CNTN5: variants seen among roughly 807,000 people sequenced by gnomAD.
CNTN5 encodes the protein contactin 5, also known as contactin-5.
In CNTN5, 77 loss-of-function variants were observed where a neutral mutation model predicts 129.1. That is an observed-to-expected ratio of 0.60 (90% CI 0.50 to 0.72). The LOEUF (loss-of-function observed/expected upper bound fraction) is 0.72. CNTN5 is among the 30% of genes least tolerant of loss of function. The pLI is 0.00. For missense variants in CNTN5, 1,478 were observed against 1,328.8 expected, an observed-to-expected ratio of 1.11 and a Z score of -1.75; for synonymous variants, 509 against 465.6, an observed-to-expected ratio of 1.09 and a Z score of -1.20.
At chr11:99,592,628 T>G (rs925558132) in intron 3 of CNTN5, among the ~76,000 whole-genome samples, 24 of 151,048 alleles carry the variant, frequency 1.6e-4, no homozygotes, top group African/African-American at 5.6e-4. Context: ...GTTCAAAAAA[T>G]TAGACAAAAA....
chr11:99,164,001 A>C (rs1300475689), intron 1 of CNTN5, among the ~76,000 whole-genome samples: 4 of 152,234 alleles, frequency 2.6e-5, no homozygotes, highest in Non-Finnish European at 4.4e-5. Context: ...TTATCTGATT[A>C]ATATGATTGA....
At chr11:100,013,429 G>A (rs1023966222) in intron 9 of CNTN5, among the ~76,000 whole-genome samples, 5 of 152,088 alleles carry the variant, frequency 3.3e-5, no homozygotes, top group African/African-American at 1.2e-4. Flanking sequence ...ACATAATCTT[G>A]ACACTTGAAT....
At chr11:100,169,682 A>G (rs772148783) in intron 13 of CNTN5, among the ~76,000 whole-genome samples, 3 of 151,996 alleles carry the variant, frequency 2.0e-5, no homozygotes, top group Non-Finnish European at 2.9e-5. Context: ...CATTTTTGTG[A>G]CTTGCTTTAT....
intron 3 of CNTN5, among the ~76,000 whole-genome samples, chr11:99,728,213 A>C (rs1943417510): frequency 6.6e-6 from 1 of 152,132 alleles, no homozygotes; most frequent in Admixed American, 6.5e-5. Context: ...TGAGAGAGAG[A>C]GAGGGAAAGA....
At chr11:100,293,371 G>A (rs1434318382) in intron 18 of CNTN5, among the ~76,000 whole-genome samples, 1 of 151,660 alleles carries the variant, frequency 6.6e-6, no homozygotes, top group Admixed American at 6.6e-5. Context: ...TTTCCAGATT[G>A]AAACAAACTA....
chr11:99,452,330 C>T (rs1361919715), intron 2 of CNTN5, among the ~76,000 whole-genome samples: 1 of 148,404 alleles, frequency 6.7e-6, no homozygotes, highest in African/African-American at 2.5e-5. Flanking sequence ...TCTGAATTTT[C>T]TCAGCTAAAG....
At chr11:100,231,975 G>A (rs1441104031) in intron 16 of CNTN5, among the ~76,000 whole-genome samples, 1 of 152,076 alleles carries the variant, frequency 6.6e-6, no homozygotes, top group Non-Finnish European at 1.5e-5. Context: ...CCAACATGGG[G>A]AAACCCTGTC....
intron 14 of CNTN5, among the ~76,000 whole-genome samples, chr11:100,191,954 A>G (rs1355055267): frequency 6.6e-6 from 1 of 151,898 alleles, no homozygotes; most frequent in Non-Finnish European, 1.5e-5. Context: ...CTGTGCATGT[A>G]TCATATGGCA....
At chr11:99,780,538 A>G (rs1945277068) in intron 3 of CNTN5, among the ~76,000 whole-genome samples, 2 of 152,078 alleles carry the variant, frequency 1.3e-5, no homozygotes, top group African/African-American at 2.4e-5. Flanking sequence ...TCAAAAGGGC[A>G]AGTAAGCTTG....
chr11:99,573,539 C>T (rs1949246720), intron 3 of CNTN5, among the ~76,000 whole-genome samples: 1 of 151,402 alleles, frequency 6.6e-6, no homozygotes, highest in African/African-American at 2.4e-5. Context: ...CACTGCACTC[C>T]AGCCTGGGCG....
At chr11:99,560,669 C>A (rs1194437939) in intron 3 of CNTN5, among the ~76,000 whole-genome samples, 1 of 152,084 alleles carries the variant, frequency 6.6e-6, no homozygotes. Context: ...AATGAGTCTG[C>A]AAAACTAAAG....
intron 21 of CNTN5, among the ~76,000 whole-genome samples, chr11:100,331,232 C>T (rs1266337714): frequency 6.6e-6 from 1 of 151,960 alleles, no homozygotes; most frequent in East Asian, 1.9e-4. Context: ...TTTAAAAAGA[C>T]AAAGAGGGAT....
chr11:99,531,264 G>A (rs576409252), intron 2 of CNTN5, among the ~76,000 whole-genome samples: 6 of 152,218 alleles, frequency 3.9e-5, no homozygotes, highest in South Asian at 2.1e-4. Context: ...AGAGATTTGC[G>A]GAACTTTGAA....
At chr11:99,830,187 G>A (rs930740930) in intron 4 of CNTN5, among the ~76,000 whole-genome samples, 10 of 152,148 alleles carry the variant, frequency 6.6e-5, no homozygotes, top group African/African-American at 1.7e-4. Flanking sequence ...TTTTGATGGC[G>A]GAAATGGTGG....
At chr11:99,411,674 C>G (rs1190745704) in intron 2 of CNTN5, among the ~76,000 whole-genome samples, 2 of 152,172 alleles carry the variant, frequency 1.3e-5, no homozygotes, top group African/African-American at 4.8e-5. Context: ...CTTCAAATTA[C>G]TCCTATTTGT....
intron 2 of CNTN5, among the ~76,000 whole-genome samples, chr11:99,422,516 T>TA (rs1942936168): frequency 5.0e-5 from 5 of 100,406 alleles, no homozygotes; most frequent in South Asian, 3.3e-4. Context: ...TACTTTATAT[T>TA]TTTATATATA....
At chr11:99,683,038 G>A (rs925802653) in intron 3 of CNTN5, among the ~76,000 whole-genome samples, 11 of 151,824 alleles carry the variant, frequency 7.2e-5, no homozygotes, top group African/African-American at 2.7e-4. Flanking sequence ...GGAAGTATTT[G>A]TTATTTATTA....
chr11:99,301,312 A>G (rs1864622766), intron 1 of CNTN5, among the ~76,000 whole-genome samples: 2 of 151,784 alleles, frequency 1.3e-5, no homozygotes, highest in Non-Finnish European at 3.0e-5. Context: ...TGAACTGAAA[A>G]AAAAAGATTA....
rs1269041875 is a variant in CNTN5, at chr11:100,193,664, G to A, written c.1884+1G>A. On this transcript the variant is annotated splice_donor_variant, in intron 15 of 24. Coordinates refer to ENST00000524871, the MANE Select transcript of CNTN5 (RefSeq NM_014361.4). LOFTEE classifies it high-confidence loss of function. ...TGGACATTTTGAAAGCATCAGGGCCGTAAGTGAATACACTTTTATTCTTTT... is the reference window on the plus strand; with the variant it reads ...TGGACATTTTGAAAGCATCAGGGCCATAAGTGAATACACTTTTATTCTTTT... 4.4e-6 allele frequency: 7 copies of A among 1,606,608 alleles called. No homozygotes were observed. The highest frequency in any genetic ancestry group is 2.2e-5 in the East Asian group (1 of 44,544).
Sources: allele counts gnomAD v4.1 joint callset (sites outside exome capture counted in the v4.1 genomes callset), GRCh38; gene constraint gnomAD v4.1.1; transcripts MANE v1.5; gene names NCBI Gene and HGNC (gene_info 2026-07-23, HGNC 2026-07-21).